ATAD1: variants seen among roughly 807,000 people sequenced by gnomAD.
ATAD1 encodes the protein ATPase family AAA domain containing 1.
Under a neutral mutation model 42.7 loss-of-function variants are expected in ATAD1, and 18 were observed. That is an observed-to-expected ratio of 0.42 (90% confidence interval 0.29 to 0.63). ATAD1 has a LOEUF of 0.63. Among genes scored for constraint, ATAD1 ranks in the 20% least tolerant of loss-of-function variants. The probability of loss-of-function intolerance (pLI) is 0.19; values close to 1 mark genes in which losing one functional copy is unlikely to be tolerated. For missense variants in ATAD1, 294 were observed against 440.4 expected (o/e 0.67, Z 2.98); for synonymous variants, 132 against 143.1 (o/e 0.92, Z 0.55).
At chr10:87,783,982 T>C (rs1347754997) in intron 5 of ATAD1, among the ~76,000 whole-genome samples, 1 of 150,400 alleles carries the variant, frequency 6.6e-6, no homozygotes, top group Non-Finnish European at 1.5e-5. Flanking sequence ...ATAATAAACA[T>C]CAACAAAAGA....
chr10:87,785,825 C>T (rs1855808500), intron 4 of ATAD1, among the ~76,000 whole-genome samples: 2 of 151,896 alleles, frequency 1.3e-5, no homozygotes, highest in African/African-American at 4.8e-5. Context: ...CTTCCTCAAG[C>T]ATACATAGAA....
At chr10:87,802,520 T>C (rs1262462420) in intron 2 of ATAD1, among the ~76,000 whole-genome samples, 2 of 151,942 alleles carry the variant, frequency 1.3e-5, no homozygotes, top group African/African-American at 2.4e-5. Flanking sequence ...TAAAAGCCTA[T>C]GTAGGCAGGG....
intron 5 of ATAD1, among the ~76,000 whole-genome samples, chr10:87,783,851 G>A (rs1237526148): frequency 6.6e-6 from 1 of 151,394 alleles, no homozygotes; most frequent in African/African-American, 2.4e-5. Flanking sequence ...GATAGTGAAG[G>A]TATTTGTAAA....
chr10:87,784,139 G>A (rs1855704974), intron 5 of ATAD1, among the ~76,000 whole-genome samples: 1 of 152,130 alleles, frequency 6.6e-6, no homozygotes, highest in South Asian at 2.1e-4. Context: ...TAATCCTAGT[G>A]AGGTTGAAGA....
At position 87,798,625 on chromosome 10, in the gene ATAD1, G is replaced by GGTGTGTGTGTGTGTGT. The variant is rs71022506; in HGVS notation, c.163-5886_163-5871dup. ...AAGTTCCAAAGTAAAAGCTATAGGG[G>GGTGTGTGTGTGTGTGT]GTGTGTGTGTGTGTGTGTGTGTGTG... On this transcript the variant is annotated intron_variant, in intron 2 of 9. Transcript: ENST00000680024. Among the ~76,000 whole-genome samples the GGTGTGTGTGTGTGTGT allele has an allele frequency of 1.1e-3, 138 of 124,920 alleles. 2 individuals are homozygous for GGTGTGTGTGTGTGTGT. Among genetic ancestry groups the GGTGTGTGTGTGTGTGT allele is most frequent in the South Asian group, 2.7e-3 (11 of 4,068 alleles). The allele number at this position is 124,920 out of a possible 152,430, so 82.0% of individuals were successfully genotyped here. A position where few individuals can be genotyped will look rare whatever the true frequency, so the allele number is the denominator to read the frequency against.
At chr10:87,820,423 G>T (rs1250243526), upstream of ATAD1, among the ~76,000 whole-genome samples, 2 of 152,188 alleles carry the variant, frequency 1.3e-5, no homozygotes, top group Non-Finnish European at 2.9e-5. Context: ...AGCCTACCCA[G>T]TTTCAGTTTG....
upstream of ATAD1, chr10:87,818,930 A>C (rs1360945481): frequency 1.3e-5 from 2 of 152,296 alleles, no homozygotes; most frequent in African/African-American, 4.8e-5. Flanking sequence ...AGAGGTCCCA[A>C]GGGAGCAAAC....
intron 5 of ATAD1, 65 bp from the exon 6 acceptor site, chr10:87,776,492 A>C: frequency 1.5e-6 from 2 of 1,327,766 alleles, no homozygotes; most frequent in Non-Finnish European, 2.2e-6. Context: ...TTTTTGAGAC[A>C]GGGTCTCACT....
intron 2 of ATAD1, among the ~76,000 whole-genome samples, chr10:87,804,301 T>C (rs1051560479): frequency 6.6e-6 from 1 of 152,192 alleles, no homozygotes; most frequent in African/African-American, 2.4e-5. Flanking sequence ...TTTCTGTGTA[T>C]AACTCGTGTA....
chr10:87,765,059 G>A (rs1485581557), intron 8 of ATAD1, among the ~76,000 whole-genome samples: 1 of 151,578 alleles, frequency 6.6e-6, no homozygotes, highest in African/African-American at 2.4e-5. Flanking sequence ...AATGAGGCTA[G>A]GTTAAAAAAA....
In ATAD1 at chr10:87,805,766, T is replaced by C. The variant is rs913809586; in HGVS notation, c.162+8672A>G. On this transcript the variant is annotated intron_variant, in intron 2 of 9. Transcript: ENST00000680024. Reference sequence around the variant, plus strand: ...TCTACCTCCTCCTCCTCCACTAACCTTCTCCCTTTTTTTTTTCTTTTCCCC... The same window carrying C: ...TCTACCTCCTCCTCCTCCACTAACCCTCTCCCTTTTTTTTTTCTTTTCCCC... Among the ~76,000 whole-genome samples the C allele has an allele frequency of 1.5e-4, 23 of 151,616 alleles. 1 individual carries two copies. The highest frequency in any genetic ancestry group is 5.1e-4 in the African/African-American group (21 of 41,374).
intron 2 of ATAD1, among the ~76,000 whole-genome samples, chr10:87,799,912 T>TA (rs990662206): frequency 2.0e-5 from 3 of 151,826 alleles, no homozygotes; most frequent in African/African-American, 7.2e-5. Context: ...AAGAAAGTTG[T>TA]AAAAATAAAG....
intron 8 of ATAD1, among the ~76,000 whole-genome samples, chr10:87,763,465 C>T (rs550524233): frequency 6.6e-6 from 1 of 152,268 alleles, no homozygotes; most frequent in East Asian, 1.9e-4. Flanking sequence ...TCAAAACCTG[C>T]CTGGATAACA....
At chr10:87,781,706 C>T (rs1855568088) in intron 5 of ATAD1, among the ~76,000 whole-genome samples, 1 of 151,884 alleles carries the variant, frequency 6.6e-6, no homozygotes, top group Non-Finnish European at 1.5e-5. Context: ...AGTGGCATGA[C>T]CTATGCTCAC....
Position 87,751,633 on chromosome 10 carries a change from A to T in ATAD1, c.*3054T>A, listed in dbSNP as rs1307375181. 1 of 152,212 alleles carries T rather than the reference A, an allele frequency of 6.6e-6. No homozygotes were observed. Among genetic ancestry groups the T allele is most frequent in the Non-Finnish European group, 1.5e-5 (1 of 68,038 alleles). 9.4% of individuals were successfully genotyped at this position (152,212 alleles called of 1,614,324 possible). Reference sequence around the variant, plus strand: ...AATAAAGAGAACTTTAGCTTTAAAAAAAAGATTAGAGAACTCTATCTTTGA... The same window carrying T: ...AATAAAGAGAACTTTAGCTTTAAAATAAAGATTAGAGAACTCTATCTTTGA... On this transcript the variant is annotated 3_prime_UTR_variant, in exon 10 of 10. Transcript: ENST00000680024.
At chr10:87,783,195 C>T (rs1855652983) in intron 5 of ATAD1, among the ~76,000 whole-genome samples, 2 of 152,036 alleles carry the variant, frequency 1.3e-5, no homozygotes, top group South Asian at 4.2e-4. Context: ...TCCTGGGCAA[C>T]ATGGAGAAAC....
chr10:87,782,204 A>G (rs1231292468), intron 5 of ATAD1, among the ~76,000 whole-genome samples: 2 of 152,230 alleles, frequency 1.3e-5, no homozygotes, highest in Non-Finnish European at 2.9e-5. Context: ...ACAAGATTAA[A>G]AAGATTAGAA....
At position 87,753,204 on chromosome 10, in the gene ATAD1, G is replaced by A. The variant is rs931422468; in HGVS notation, c.*1483C>T. 6.6e-6 allele frequency: 1 copy of A among 151,974 alleles called. No homozygotes were observed. The highest frequency in any genetic ancestry group is 1.5e-5 in the Non-Finnish European group (1 of 67,940). 9.4% of individuals were successfully genotyped at this position (151,974 alleles called of 1,614,324 possible). On this transcript the variant is annotated 3_prime_UTR_variant, in exon 10 of 10. Coordinates refer to ENST00000680024, the MANE Select transcript of ATAD1 (RefSeq NM_001321967.2). ...CACTTTTTTTCATTTTTGGTATCTT[G>A]TATTCAGTTTTTCCATCCTCTTCAC...
chr10:87,766,270 G>A (rs184333415), intron 8 of ATAD1, among the ~76,000 whole-genome samples: 7 of 152,224 alleles, frequency 4.6e-5, no homozygotes, highest in African/African-American at 7.2e-5. Flanking sequence ...TAATATTCCT[G>A]TATAAGTATG....
Sources: allele counts gnomAD v4.1 joint callset (sites outside exome capture counted in the v4.1 genomes callset), GRCh38; gene constraint gnomAD v4.1.1; transcripts MANE v1.5; gene names NCBI Gene and HGNC (gene_info 2026-07-23, HGNC 2026-07-21).